ANKS1A: variants seen among roughly 807,000 people sequenced by gnomAD.
ANKS1A encodes the protein ankyrin repeat and sterile alpha motif domain containing 1A, also known as ankyrin repeat and SAM domain-containing protein 1A.
Under a neutral mutation model 120.3 loss-of-function variants are expected in ANKS1A, and 55 were observed. That is an observed-to-expected ratio of 0.46 (90% CI 0.37 to 0.57). The LOEUF is 0.57. ANKS1A is among the 20% of genes least tolerant of loss of function. The pLI, the probability that ANKS1A is intolerant of heterozygous loss-of-function variation, is 0.00. For missense variants in ANKS1A, 1,123 were observed against 1,480.3 expected (o/e 0.76, Z 3.96); for synonymous variants, 590 against 604.7 (o/e 0.98, Z 0.36).
intron 9 of ANKS1A, 63 bp downstream of exon 9, chr6:34,989,379 G>A: frequency 1.4e-6 from 2 of 1,464,624 alleles, no homozygotes; most frequent in Middle Eastern, 1.7e-4. Flanking sequence ...GTGCATCGAT[G>A]TGTGCTTTAA....
chr6:34,992,174 G>A (rs753444357), intron 9 of ANKS1A, among the ~76,000 whole-genome samples: 1 of 152,210 alleles, frequency 6.6e-6, no homozygotes, highest in Non-Finnish European at 1.5e-5. Flanking sequence ...TCTGTTGTGA[G>A]CTTTCTGTAT....
intron 1 of ANKS1A, among the ~76,000 whole-genome samples, chr6:34,915,670 G>T (rs541547393): frequency 1.1e-4 from 16 of 152,076 alleles, no homozygotes; most frequent in Admixed American, 6.5e-4. Context: ...GCAAGTAACA[G>T]TTTGGGTTTT....
At chr6:34,943,409 T>C (rs892684255) in intron 1 of ANKS1A, among the ~76,000 whole-genome samples, 1 of 152,240 alleles carries the variant, frequency 6.6e-6, no homozygotes, top group Non-Finnish European at 1.5e-5. Flanking sequence ...TTTGTTATAA[T>C]TGATGAGCCA....
intron 3 of ANKS1A, 67 bp from the exon 4 acceptor site, chr6:34,981,623 G>T: frequency 6.5e-7 from 1 of 1,536,842 alleles, no homozygotes; most frequent in South Asian, 1.2e-5. Flanking sequence ...TTTTACGAGT[G>T]GTTGTCCCAG....
rs936923987 is a variant in ANKS1A, at chr6:34,896,055, G to T, written c.197+6456G>T. 2.7e-5 allele frequency among the ~76,000 whole-genome samples: 4 copies of T among 149,532 alleles called. No homozygotes were observed. In the East Asian group the frequency reaches 7.8e-4, roughly 29 times the overall value. ...TAGGATTACAGGCGTTAGCCACCGT[G>T]CCTGGCCTTTTTTTTTTTTCTTTTT... On this transcript the variant is annotated intron_variant, in intron 1 of 23. Transcript: ENST00000360359.
At chr6:35,080,925 C>T in intron 16 of ANKS1A, 69 bp from the exon 17 acceptor site, 1 of 1,557,570 alleles carries the variant, frequency 6.4e-7, no homozygotes, top group Non-Finnish European at 8.7e-7. Flanking sequence ...ACCAGTGGGG[C>T]TGGCTGATAC....
chr6:35,078,588 C>A lies in ANKS1A; in HGVS notation c.2215C>A (p.Arg739=). The change falls in exon 14 of 24, where the codon CGG becomes AGG. Residue 739 remains arginine (R), a synonymous_variant. Coordinates refer to ENST00000360359, the MANE Select transcript of ANKS1A (RefSeq NM_015245.3). ...GSNVMEEQDL[R]DIGISDPQHR... The stretch of plus-strand genomic sequence containing the variant: ...TAATGTGATGGAAGAGCAGGACCTG[C>A]GGGACATCGGCATCAGCGACCCACA... 1 of 1,609,662 alleles carries A rather than the reference C, an allele frequency of 6.2e-7. No individual in the cohort carries two copies.
chr6:34,901,756 C>A (rs1767361915), intron 1 of ANKS1A, among the ~76,000 whole-genome samples: 1 of 152,146 alleles, frequency 6.6e-6, no homozygotes, highest in South Asian at 2.1e-4. Flanking sequence ...AGAGATCTGC[C>A]CACCTTGGCC....
At chr6:35,095,625 C>T (rs1374374617), downstream of ANKS1A, among the ~76,000 whole-genome samples, 1 of 94,284 alleles carries the variant, frequency 1.1e-5, no homozygotes, top group East Asian at 2.8e-4. Flanking sequence ...CAAAAAACAA[C>T]AAAAAAAACA....
intron 10 of ANKS1A, among the ~76,000 whole-genome samples, chr6:35,008,602 T>C (rs1383142749): frequency 6.6e-6 from 1 of 152,216 alleles, no homozygotes; most frequent in Non-Finnish European, 1.5e-5. Context: ...GTTGGAATAG[T>C]TCAATTTTCT....
At position 35,082,857 on chromosome 6, in the gene ANKS1A, C is replaced by A; in HGVS notation, c.2835+41C>A. Reference sequence around the variant, plus strand: ...CCTCCCAGCAGGGCCGGCCTCCCTGCTCCTTCTCGGCCAGGCACCTGCGGC... The same window carrying A: ...CCTCCCAGCAGGGCCGGCCTCCCTGATCCTTCTCGGCCAGGCACCTGCGGC... On this transcript the variant is annotated intron_variant, in intron 18 of 23. Transcript: ENST00000360359. This position sits in a 1 kb window ranked among gnomAD's most constrained non-coding sequence, Gnocchi z 4.1. 1.3e-6 allele frequency: 2 copies of A among 1,588,380 alleles called. No individual in the cohort carries two copies. The highest frequency in any genetic ancestry group is 1.2e-5 in the South Asian group (1 of 85,834).
At position 35,015,603 on chromosome 6, in the gene ANKS1A, C is replaced by T. The variant is rs78825442; in HGVS notation, c.1424-1870C>T. 8.2e-3 allele frequency among the ~76,000 whole-genome samples: 1,250 copies of T among 152,296 alleles called. 26 individuals carry two copies. Among genetic ancestry groups the T allele is most frequent in the African/African-American group, 0.028 (1,166 of 41,554 alleles). On this transcript the variant is annotated intron_variant, in intron 10 of 23. Transcript: ENST00000360359. ...CATAAAGTGGAGCTAATTGGCTGCC[C>T]CTGGCCACTTCTCTAGACTCGTGAA... is the stretch of plus-strand genomic sequence containing the variant.
In ANKS1A at chr6:35,063,484, T is replaced by C. The variant is rs373237444; in HGVS notation, c.2184+3231T>C. Among the ~76,000 whole-genome samples, 187 of 152,348 alleles carry C rather than the reference T, an allele frequency of 1.2e-3. 1 individual carries two copies. The highest frequency in any genetic ancestry group is 4.4e-3 in the African/African-American group (183 of 41,594). On this transcript the variant is annotated intron_variant, in intron 13 of 23. Coordinates refer to ENST00000360359, the MANE Select transcript of ANKS1A (RefSeq NM_015245.3). ...GATGCTGGAGTGCTAAGTAGATATT[T>C]AAAAAACCACATTTTTGAAGAATTG...
intron 1 of ANKS1A, among the ~76,000 whole-genome samples, chr6:34,943,547 T>G (rs754871388): frequency 1.6e-4 from 25 of 152,172 alleles, no homozygotes; most frequent in Admixed American, 7.2e-4. Flanking sequence ...CAAAATAATT[T>G]CACTGCCCAA....
At chr6:34,961,573 C>T (rs1025396978) in intron 1 of ANKS1A, among the ~76,000 whole-genome samples, 4 of 152,062 alleles carry the variant, frequency 2.6e-5, no homozygotes, top group Non-Finnish European at 5.9e-5. Context: ...ATAGGATGTC[C>T]AAACTTAATC....
In ANKS1A at chr6:35,091,260, TAACC is replaced by T; in HGVS notation, c.*2654_*2657del. 1 of 985,908 alleles carries T rather than the reference TAACC, an allele frequency of 1.0e-6. No individual in the cohort carries two copies. Among genetic ancestry groups the T allele is most frequent in the Non-Finnish European group, 1.2e-6 (1 of 829,946 alleles). The allele number at this position is 985,908 out of a possible 1,614,324, so 61.1% of individuals were successfully genotyped here. A position where few individuals can be genotyped will look rare whatever the true frequency, so the allele number is the denominator to read the frequency against. On this transcript the variant is annotated 3_prime_UTR_variant, in exon 24 of 24. Transcript: ENST00000360359. ...TATAAACACTTTGAGGTACCAAACA[TAACC>T]AATCTGTGCAACAACATAGACTGAC...
At chr6:34,965,038 T>C (rs763937549) in intron 1 of ANKS1A, among the ~76,000 whole-genome samples, 2 of 152,208 alleles carry the variant, frequency 1.3e-5, no homozygotes, top group Non-Finnish European at 2.9e-5. Flanking sequence ...CTTTTAAAAT[T>C]TTCTTGGTGT....
intron 9 of ANKS1A, 44 bp downstream of exon 9, chr6:34,989,360 T>A (rs1246384154): frequency 1.9e-6 from 3 of 1,555,250 alleles, no homozygotes; most frequent in Non-Finnish European, 2.6e-6. Flanking sequence ...AATTTGAGTT[T>A]GTTGAAAAGT....
chr6:35,083,325 G>A (rs750509025), intron 19 of ANKS1A, 92 bp from the exon 20 acceptor site: 169 of 1,596,750 alleles, frequency 1.1e-4, no homozygotes, highest in Middle Eastern at 8.3e-4. Flanking sequence ...GCTGCACTAT[G>A]TAAGGATGGG....
Sources: gnomAD v4.1 joint callset for allele counts (sites outside exome capture counted in the v4.1 genomes callset) on GRCh38, gnomAD v4.1.1 for gene constraint, Gnocchi (gnomAD v3.1) non-coding constraint, MANE v1.5 for transcripts, NCBI Gene and HGNC (gene_info 2026-07-23, HGNC 2026-07-21) for gene names.